The following TPD52 variants were observed in gnomAD, a reference collection of about 807,000 sequenced individuals.
TPD52 encodes the protein tumor protein D52.
Under a neutral mutation model 31.3 loss-of-function variants are expected in TPD52, and 17 were observed. The observed-to-expected ratio is 0.54, with a 90% CI of 0.37 to 0.82. TPD52 has a LOEUF of 0.82. Among genes scored for constraint, TPD52 ranks in the 40% least tolerant of loss-of-function variants. The pLI is 0.00. For synonymous variants in TPD52, 83 were observed against 89.6 expected (o/e 0.93, Z 0.42); for missense variants, 212 against 240.1 (o/e 0.88, Z 0.77).
At chr8:80,120,854 C>G (rs576529082) in intron 1 of TPD52, among the ~76,000 whole-genome samples, 1 of 152,000 alleles carries the variant, frequency 6.6e-6, no homozygotes, top group African/African-American at 2.4e-5. Context: ...CTGAAGTGAG[C>G]AGATCACCTG....
chr8:80,048,167 T>C (rs1586151652), intron 5 of TPD52, among the ~76,000 whole-genome samples: 1 of 152,204 alleles, frequency 6.6e-6, no homozygotes, highest in Non-Finnish European at 1.5e-5. Context: ...TCCTTGGCCT[T>C]GCTACCACCA....
At chr8:80,033,781 G>C (rs918741460), downstream of TPD52, among the ~76,000 whole-genome samples, 4 of 152,178 alleles carry the variant, frequency 2.6e-5, no homozygotes, top group Non-Finnish European at 5.9e-5. Flanking sequence ...AGGTTGTCCT[G>C]ATGAGTGTTG....
chr8:80,158,800 C>T (rs1003605331), intron 1 of TPD52: 3 of 150,648 alleles, frequency 2.0e-5, no homozygotes, highest in Admixed American at 1.3e-4. Flanking sequence ...AAAAATTAGC[C>T]GGGCGTAGTG....
At chr8:80,047,660 G>T (rs1811000207) in intron 5 of TPD52, among the ~76,000 whole-genome samples, 1 of 152,156 alleles carries the variant, frequency 6.6e-6, no homozygotes, top group Admixed American at 6.5e-5. Flanking sequence ...ACAGAGAAAA[G>T]TTCATTAAAG....
intron 1 of TPD52, among the ~76,000 whole-genome samples, chr8:80,147,286 T>C (rs1810259928): frequency 6.6e-6 from 1 of 152,136 alleles, no homozygotes; most frequent in African/African-American, 2.4e-5. Flanking sequence ...TGGTTAACCA[T>C]GCATCTCAGC....
At chr8:80,158,149 A>G (rs1159383562) in intron 1 of TPD52, among the ~76,000 whole-genome samples, 1 of 151,508 alleles carries the variant, frequency 6.6e-6, no homozygotes, top group Non-Finnish European at 1.5e-5. Flanking sequence ...TAAAACACCC[A>G]TGACTTCTCC....
intron 1 of TPD52, among the ~76,000 whole-genome samples, chr8:80,156,466 G>C (rs1183596163): frequency 6.6e-6 from 1 of 152,200 alleles, no homozygotes; most frequent in South Asian, 2.1e-4. Context: ...CTTTTGGAGG[G>C]AGGAGTATCA....
chr8:80,163,799 G>A (rs145497648), intron 1 of TPD52, among the ~76,000 whole-genome samples: 1 of 152,112 alleles, frequency 6.6e-6, no homozygotes, highest in East Asian at 1.9e-4. Context: ...ACCTACTCCA[G>A]GAGAGAAAGA....
chr8:80,065,478 C>T (rs1813039197), intron 1 of TPD52, among the ~76,000 whole-genome samples: 1 of 152,002 alleles, frequency 6.6e-6, no homozygotes. Context: ...GACCAGGAGG[C>T]AGCTGCCCCT....
chr8:80,089,297 T>A (rs554858748), intron 1 of TPD52, among the ~76,000 whole-genome samples: 1 of 152,156 alleles, frequency 6.6e-6, no homozygotes, highest in Admixed American at 6.5e-5. Flanking sequence ...AGCCAACGTG[T>A]GATACCCCAG....
intron 1 of TPD52, among the ~76,000 whole-genome samples, chr8:80,069,113 A>T (rs1472816597): frequency 6.6e-6 from 1 of 152,250 alleles, no homozygotes; most frequent in Non-Finnish European, 1.5e-5. Flanking sequence ...AAATATGCAC[A>T]GGAGTGTTAT....
At chr8:80,105,352 G>C (rs1306639664) in intron 1 of TPD52, among the ~76,000 whole-genome samples, 1 of 152,180 alleles carries the variant, frequency 6.6e-6, no homozygotes, top group Non-Finnish European at 1.5e-5. Flanking sequence ...AATCGGTTAT[G>C]TTATCTATAG....
At chr8:80,042,911 T>C (rs1369379061) in intron 6 of TPD52, 1 of 375,314 alleles carries the variant, frequency 2.7e-6, no homozygotes, top group Non-Finnish European at 4.8e-6. Context: ...ACATAAGTAA[T>C]ATAGATATGG....
chr8:80,059,663 T>C (rs1276196213), intron 2 of TPD52, among the ~76,000 whole-genome samples: 1 of 151,988 alleles, frequency 6.6e-6, no homozygotes, highest in Non-Finnish European at 1.5e-5. Context: ...AGACCAGTCA[T>C]GCCAACACAC....
chr8:80,114,290 T>C (rs1807708646), intron 1 of TPD52, among the ~76,000 whole-genome samples: 1 of 152,100 alleles, frequency 6.6e-6, no homozygotes, highest in South Asian at 2.1e-4. Flanking sequence ...CCTCCACCTA[T>C]ACACCCATTC....
chr8:80,048,229 C>T (rs1811060610), intron 5 of TPD52, among the ~76,000 whole-genome samples: 1 of 152,176 alleles, frequency 6.6e-6, no homozygotes, highest in Non-Finnish European at 1.5e-5. Context: ...TTCTCTATTT[C>T]CTTATACATC....
At chr8:80,092,704 G>A (rs924995539) in intron 1 of TPD52, among the ~76,000 whole-genome samples, 1 of 151,964 alleles carries the variant, frequency 6.6e-6, no homozygotes, top group Non-Finnish European at 1.5e-5. Flanking sequence ...CTCAAGTGGA[G>A]CTAAAAACTG....
At position 80,161,712 on chromosome 8, in the gene TPD52, T is replaced by TTA. The variant is rs1319779195; in HGVS notation, c.19+9711_19+9712dup. ...TCCAAAACTTTTATCAAGAACACATTTATATATATATATATATATATTTTT... is the reference window on the plus strand; with the variant it reads ...TCCAAAACTTTTATCAAGAACACATTTATATATATATATATATATATATTTTT... On this transcript the variant is annotated intron_variant, in intron 1 of 7. Transcript: ENST00000518937. 5.1e-3 allele frequency among the ~76,000 whole-genome samples: 720 copies of TTA among 140,568 alleles called. 7 individuals are homozygous for TTA. Among genetic ancestry groups the TTA allele is most frequent in the African/African-American group, 0.012 (462 of 37,198 alleles). 92.2% of individuals were successfully genotyped at this position (140,568 alleles called of 152,430 possible). A position where few individuals can be genotyped will look rare whatever the true frequency, so the allele number is the denominator to read the frequency against.
chr8:80,137,716 C>A (rs747917416), intron 1 of TPD52, among the ~76,000 whole-genome samples: 1 of 152,162 alleles, frequency 6.6e-6, no homozygotes, highest in African/African-American at 2.4e-5. Flanking sequence ...ACTCTTACAG[C>A]AGTACCAAGT....
Sources: allele counts gnomAD v4.1 joint callset (sites outside exome capture counted in the v4.1 genomes callset), GRCh38; gene constraint gnomAD v4.1.1; transcripts MANE v1.5; gene names NCBI Gene and HGNC (gene_info 2026-07-23, HGNC 2026-07-21).